Variants in GTF2A1 observed in about 807,000 individuals in gnomAD.
The protein encoded by GTF2A1 is transcription initiation factor IIA subunit 1.
A neutral mutation model predicts 54.1 loss-of-function variants in GTF2A1; 12 were observed. That is an observed-to-expected ratio of 0.22 (90% CI 0.14 to 0.36). The LOEUF (loss-of-function observed/expected upper bound fraction) is 0.36. Ranked by LOEUF, GTF2A1 falls within the 10% of genes least tolerant of loss-of-function variation. GTF2A1 has a pLI of 1.00. For missense variants in GTF2A1, 335 were observed against 442.2 expected (o/e 0.76, Z 2.17); for synonymous variants, 145 against 152.0 (o/e 0.95, Z 0.34).
chr14:81,204,844 G>A (rs1595223598), intron 2 of GTF2A1, among the ~76,000 whole-genome samples: 1 of 152,288 alleles, frequency 6.6e-6, no homozygotes, highest in South Asian at 2.1e-4. Flanking sequence ...CATGTGCAAC[G>A]ATTTCATTCT....
At chr14:81,211,875 T>TCATATATATACATATATA (rs1419902730) in intron 2 of GTF2A1, among the ~76,000 whole-genome samples, 4 of 68,488 alleles carry the variant, frequency 5.8e-5, no homozygotes, top group African/African-American at 2.0e-4. Flanking sequence ...ATCAAGTACT[T>TCATATATATACATATATA]TATATATATA....
chr14:81,191,086 T>C (rs1345589911), intron 7 of GTF2A1, among the ~76,000 whole-genome samples: 3 of 152,002 alleles, frequency 2.0e-5, no homozygotes, highest in Admixed American at 6.6e-5. Flanking sequence ...CAAATAAATA[T>C]ACAAAAAGAG....
At chr14:81,182,354 G>C (rs559411129) in intron 8 of GTF2A1, among the ~76,000 whole-genome samples, 3 of 152,314 alleles carry the variant, frequency 2.0e-5, no homozygotes, top group Admixed American at 1.3e-4. Context: ...GACTTGGCAT[G>C]TCCAACCAGC....
intron 4 of GTF2A1, 118 bp from the exon 5 acceptor site, chr14:81,197,602 C>A: frequency 1.7e-6 from 1 of 576,008 alleles, no homozygotes; most frequent in Non-Finnish European, 3.1e-6. Context: ...TTTAAAAAAT[C>A]TAGTAAGGCT....
rs766395690 is a variant in GTF2A1, at chr14:81,216,512, A to G, written c.33T>C (p.Pro11=). Residue 11 remains proline, a splice_region_variant and synonymous_variant, in exon 2 of 9, where the codon CCT becomes CCC. Coordinates refer to ENST00000553612, the MANE Select transcript of GTF2A1 (RefSeq NM_015859.4). ...CTTCAATCACAGATCTGTATAATTT[A>G]GGCTTTAAAGGAAAAATAAAAGACT... is the stretch of plus-strand genomic sequence containing the variant. MANSANTNTV[P]KLYRSVIEDV... 20 of 1,364,032 alleles carry G rather than the reference A, an allele frequency of 1.5e-5. No individual in the cohort carries two copies. The highest frequency in any genetic ancestry group is 1.8e-5 in the Non-Finnish European group (17 of 963,698). The allele number at this position is 1,364,032 out of a possible 1,614,324, so 84.5% of individuals were successfully genotyped here. A position where few individuals can be genotyped will look rare whatever the true frequency, so the allele number is the denominator to read the frequency against.
chr14:81,194,537 T>C (rs920298420), intron 6 of GTF2A1, among the ~76,000 whole-genome samples: 4 of 152,226 alleles, frequency 2.6e-5, no homozygotes, highest in African/African-American at 7.2e-5. Flanking sequence ...GCTCTGATCT[T>C]GTCTCTATCA....
chr14:81,196,247 G>A lies in GTF2A1; in HGVS notation c.479-6C>T. On this transcript the variant is annotated splice_region_variant and splice_polypyrimidine_tract_variant and intron_variant, in intron 5 of 8. Transcript: ENST00000553612. ...GACCACCTGAAGAAGCTGGCCTAAA[G>A]CAAAAAGCATGCATTCCGAGTTATC... 6.2e-7 allele frequency: 1 copy of A among 1,613,832 alleles called. No homozygotes were observed. The highest frequency in any genetic ancestry group is 8.5e-7 in the Non-Finnish European group (1 of 1,179,862).
rs992310540 is a variant in GTF2A1, at chr14:81,196,362, T to G, written c.479-121A>C. On this transcript the variant is annotated intron_variant, in intron 5 of 8. Transcript: ENST00000553612. ...AGAAATTATCAAGAAAACTAACAAT[T>G]TTATTAAAGGTTGTCATTCATACAC... is the stretch of plus-strand genomic sequence containing the variant. 1.1e-5 allele frequency: 11 copies of G among 1,018,506 alleles called. No homozygotes were observed. In the African/African-American group the frequency reaches 1.3e-4, roughly 12 times the overall value. 63.1% of individuals were successfully genotyped at this position (1,018,506 alleles called of 1,614,324 possible).
rs184105757 is a variant in GTF2A1, at chr14:81,177,750, T to A, written c.*2473A>T. On this transcript the variant is annotated 3_prime_UTR_variant, in exon 9 of 9. Coordinates refer to ENST00000553612, the MANE Select transcript of GTF2A1 (RefSeq NM_015859.4). Reference sequence around the variant, plus strand: ...TGGAACCTAATACGAAATGATTTGTTAAATACAATGTTAAAAGCATGATTA... The same window carrying A: ...TGGAACCTAATACGAAATGATTTGTAAAATACAATGTTAAAAGCATGATTA... 2.0e-5 allele frequency: 3 copies of A among 152,258 alleles called. No individual in the cohort carries two copies. The highest frequency in any genetic ancestry group is 2.0e-4 in the Admixed American group (3 of 15,292). The allele number at this position is 152,258 out of a possible 1,614,324, so 9.4% of individuals were successfully genotyped here.
At chr14:81,207,389 A>G (rs192562506) in intron 2 of GTF2A1, among the ~76,000 whole-genome samples, 1 of 152,244 alleles carries the variant, frequency 6.6e-6, no homozygotes, top group Non-Finnish European at 1.5e-5. Context: ...AACACGTAAG[A>G]AGAGCCTTTC....
chr14:81,183,680 T>G (rs1192065582), intron 8 of GTF2A1, among the ~76,000 whole-genome samples: 1 of 152,220 alleles, frequency 6.6e-6, no homozygotes, highest in Admixed American at 6.5e-5. Flanking sequence ...TTTACCTACA[T>G]CTGATGCTAT....
intron 7 of GTF2A1, among the ~76,000 whole-genome samples, chr14:81,185,914 G>A (rs1196716442): frequency 6.6e-6 from 1 of 152,166 alleles, no homozygotes. Flanking sequence ...CCAGGCTGGT[G>A]CAATCTCGGC....
At chr14:81,219,296 G>C (rs1893555015) in intron 1 of GTF2A1, among the ~76,000 whole-genome samples, 1 of 152,140 alleles carries the variant, frequency 6.6e-6, no homozygotes, top group African/African-American at 2.4e-5. Flanking sequence ...GAAATAAACT[G>C]AGCTCTGCAC....
chr14:81,210,977 T>C (rs1332688792), intron 2 of GTF2A1, among the ~76,000 whole-genome samples: 1 of 152,246 alleles, frequency 6.6e-6, no homozygotes, highest in East Asian at 1.9e-4. Context: ...TATACATTTG[T>C]ATATTGTGTT....
At chr14:81,181,460 T>C (rs1892636968) in intron 8 of GTF2A1, among the ~76,000 whole-genome samples, 1 of 152,244 alleles carries the variant, frequency 6.6e-6, no homozygotes, top group Non-Finnish European at 1.5e-5. Flanking sequence ...AATCATGATT[T>C]TCAAGTCTTG....
rs370948702 is a variant in GTF2A1 at position 81,192,837 on chromosome 14, C to T, written c.615G>A (p.Val205=). 52 of 1,591,006 alleles carry T rather than the reference C, an allele frequency of 3.3e-5. No homozygotes were observed. Among genetic ancestry groups the T allele is most frequent in the Non-Finnish European group, 4.2e-5 (49 of 1,161,440 alleles). The part of the protein sequence containing the change: ...GGVQAPVIQQ[V]LAPLPGGISP... ...AAATCCCTCCAGGAAGAGGAGCCAG[C>T]ACCTAAAGCAAAAGAAAACCACATA... Residue 205 remains valine (V), a splice_region_variant and synonymous_variant, in exon 7 of 9, where the codon GTG becomes GTA. Coordinates refer to ENST00000553612, the MANE Select transcript of GTF2A1 (RefSeq NM_015859.4).
intron 2 of GTF2A1, among the ~76,000 whole-genome samples, chr14:81,204,937 A>G (rs893648075): frequency 2.5e-4 from 38 of 152,196 alleles, no homozygotes; most frequent in African/African-American, 8.4e-4. Flanking sequence ...AAAAAGTCAC[A>G]AACTATTCCC....
chr14:81,204,836 T>A (rs923753795), intron 2 of GTF2A1, among the ~76,000 whole-genome samples: 1 of 152,212 alleles, frequency 6.6e-6, no homozygotes, highest in Non-Finnish European at 1.5e-5. Flanking sequence ...AAAGAAAACA[T>A]GTGCAACGAT....
chr14:81,196,077 C>T, intron 6 of GTF2A1, 31 bp downstream of exon 6: 3 of 1,600,326 alleles, frequency 1.9e-6, no homozygotes, highest in Non-Finnish European at 2.6e-6. Context: ...AAACAGAACC[C>T]CATACTGATC....
Sources: allele counts gnomAD v4.1 joint callset (sites outside exome capture counted in the v4.1 genomes callset), GRCh38; gene constraint gnomAD v4.1.1; transcripts MANE v1.5; gene names NCBI Gene and HGNC (gene_info 2026-07-23, HGNC 2026-07-21).